Variants in CSMD1 observed in about 807,000 individuals in gnomAD.
CSMD1 encodes the protein CUB and Sushi multiple domains 1.
CSMD1 carries 213 observed loss-of-function variants against 417.5 expected under a neutral mutation model. That is an observed-to-expected ratio of 0.51 (90% confidence interval 0.46 to 0.57). The LOEUF is 0.57. Among genes scored for constraint, CSMD1 ranks in the 20% least tolerant of loss-of-function variants. The probability of loss-of-function intolerance (pLI) is 0.00; values close to 1 mark genes in which losing one functional copy is unlikely to be tolerated. For missense variants in CSMD1, 6,923 were observed against 4,529.7 expected (o/e 1.53, Z -15.17); for synonymous variants, 2,862 against 1,736.8 (o/e 1.65, Z -16.11).
chr8:4,503,519 T>C (rs1420236539), intron 2 of CSMD1, among the ~76,000 whole-genome samples: 1 of 152,178 alleles, frequency 6.6e-6, no homozygotes, highest in East Asian at 1.9e-4. Context: ...CACTCACACC[T>C]GAGACACCGT....
chr8:3,715,470 T>G (rs1195102294), intron 6 of CSMD1, among the ~76,000 whole-genome samples: 1 of 152,162 alleles, frequency 6.6e-6, no homozygotes, highest in African/African-American at 2.4e-5. Context: ...TTCTGCATGA[T>G]TAACCCAATT....
chr8:4,542,500 C>G (rs909153145), intron 2 of CSMD1, among the ~76,000 whole-genome samples: 1 of 152,142 alleles, frequency 6.6e-6, no homozygotes. Flanking sequence ...TAAAAAAGCA[C>G]AATTATTGAA....
At chr8:4,225,726 A>C (rs1427719067) in intron 3 of CSMD1, among the ~76,000 whole-genome samples, 1 of 152,148 alleles carries the variant, frequency 6.6e-6, no homozygotes, top group Non-Finnish European at 1.5e-5. Flanking sequence ...AATTGCCACA[A>C]CATGGCGGCT....
intron 5 of CSMD1, among the ~76,000 whole-genome samples, chr8:3,758,398 C>G (rs557173024): frequency 6.6e-6 from 1 of 152,250 alleles, no homozygotes; most frequent in African/African-American, 2.4e-5. Context: ...CTGATTTGAC[C>G]TTTTGCGTTA....
rs373144350 is a variant in CSMD1, at chr8:4,584,593, G to C, written c.302+52749C>G. Among the ~76,000 whole-genome samples, 43 of 152,170 alleles carry C rather than the reference G, an allele frequency of 2.8e-4. No individual in the cohort carries two copies. The South Asian group carries it at 8.7e-3, about 31-fold the overall frequency. On this transcript the variant is annotated intron_variant, in intron 2 of 69. Coordinates refer to ENST00000635120, the MANE Select transcript of CSMD1 (RefSeq NM_033225.6). ...TTCCTGTACTTCTGGGCTGAGCCGA[G>C]GGTCTACAGAGAGGAAAGCCATGCA...
chr8:4,069,087 T>A (rs773323421), intron 3 of CSMD1, among the ~76,000 whole-genome samples: 8 of 152,230 alleles, frequency 5.3e-5, no homozygotes, highest in Non-Finnish European at 7.3e-5. Context: ...TTTATTAGAC[T>A]TTGTCATGGA....
At chr8:3,983,131 C>CTTTTTTTTT (rs1814021065) in intron 5 of CSMD1, among the ~76,000 whole-genome samples, 3 of 94,734 alleles carry the variant, frequency 3.2e-5, no homozygotes, top group Non-Finnish European at 7.0e-5. Flanking sequence ...CCACATCTTT[C>CTTTTTTTTT]TTTCTTTTTT....
intron 1 of CSMD1, among the ~76,000 whole-genome samples, chr8:4,904,331 C>G (rs968227412): frequency 6.6e-6 from 1 of 152,192 alleles, no homozygotes; most frequent in African/African-American, 2.4e-5. Context: ...TTTATTACAT[C>G]TATGAGTATT....
At chr8:3,246,506 C>G (rs1003277439) in intron 26 of CSMD1, among the ~76,000 whole-genome samples, 3 of 152,098 alleles carry the variant, frequency 2.0e-5, no homozygotes, top group African/African-American at 4.8e-5. Context: ...GAGTCTCACT[C>G]TGTCACCCAG....
intron 2 of CSMD1, among the ~76,000 whole-genome samples, chr8:4,464,566 G>T (rs1182567912): frequency 1.3e-5 from 2 of 151,988 alleles, no homozygotes; most frequent in African/African-American, 2.4e-5. Flanking sequence ...TGGTCGTATG[G>T]GTACTCAACG....
chr8:3,753,736 T>C (rs1397990835), intron 6 of CSMD1, among the ~76,000 whole-genome samples, 194 bp downstream of exon 6: 2 of 152,236 alleles, frequency 1.3e-5, no homozygotes, highest in Non-Finnish European at 2.9e-5. Context: ...ATATCCTGTA[T>C]ACTGTGATAG....
chr8:3,729,323 G>C (rs527473656), intron 6 of CSMD1, among the ~76,000 whole-genome samples: 5 of 152,228 alleles, frequency 3.3e-5, no homozygotes. Flanking sequence ...TCTGAGGGTG[G>C]GCTTCGGAGT....
Position 3,359,188 on chromosome 8 carries a change from G to T in CSMD1, c.3268C>A (p.Arg1090Ser), listed in dbSNP as rs1484808167. The stretch of plus-strand genomic sequence containing the variant: ...GGCAGAGGTGCACTCCACACACGGC[G>T]GCCCCCACCCAGGCAGGTAAGCTTG... Reference protein sequence around the residue: ...ATKLTCLGGGRRVWSAPLPRC... With the variant: ...ATKLTCLGGGSRVWSAPLPRC... Residue 1090 changes from arginine (R) to serine (S), a missense_variant, in exon 21 of 70, where the codon CGC (arginine) becomes AGC (serine). By Grantham distance (110) the Arg-to-Ser change is moderately radical. Coordinates refer to ENST00000635120, the MANE Select transcript of CSMD1 (RefSeq NM_033225.6). 1 of 1,613,846 alleles carries T rather than the reference G, an allele frequency of 6.2e-7. No individual in the cohort carries two copies. Among genetic ancestry groups the T allele is most frequent in the Non-Finnish European group, 8.5e-7 (1 of 1,179,948 alleles).
At chr8:3,871,117 A>T (rs957425409) in intron 5 of CSMD1, among the ~76,000 whole-genome samples, 1 of 152,194 alleles carries the variant, frequency 6.6e-6, no homozygotes, top group African/African-American at 2.4e-5. Flanking sequence ...CATCTAGAAT[A>T]TTTTCAATTT....
chr8:4,975,209 CAA>C (rs1246422156), intron 1 of CSMD1, among the ~76,000 whole-genome samples: 2 of 151,952 alleles, frequency 1.3e-5, no homozygotes, highest in Non-Finnish European at 2.9e-5. Context: ...CTTTTCTTTC[CAA>C]AGTTATGAAA....
At position 4,140,607 on chromosome 8, in the gene CSMD1, G is replaced by A. The variant is rs141294464; in HGVS notation, c.416-108508C>T. 6.0e-3 allele frequency among the ~76,000 whole-genome samples: 910 copies of A among 151,076 alleles called. 11 individuals carry two copies. The highest frequency in any genetic ancestry group is 8.8e-3 in the Non-Finnish European group (601 of 68,026). On this transcript the variant is annotated intron_variant, in intron 3 of 69. Transcript: ENST00000635120. Reference sequence around the variant, plus strand: ...TGCTTGAACCCAAGAGGTCAAGGCTGCAGTGAGCCATGATTGCGCCACTGC... The same window carrying A: ...TGCTTGAACCCAAGAGGTCAAGGCTACAGTGAGCCATGATTGCGCCACTGC...
At chr8:4,412,120 G>C (rs1309887428) in intron 3 of CSMD1, among the ~76,000 whole-genome samples, 1 of 151,976 alleles carries the variant, frequency 6.6e-6, no homozygotes, top group Non-Finnish European at 1.5e-5. Context: ...TGTGTGTTTA[G>C]CCAGGGCAAA....
chr8:3,560,431 C>A (rs1051097370), intron 10 of CSMD1, among the ~76,000 whole-genome samples: 10 of 152,160 alleles, frequency 6.6e-5, no homozygotes, highest in African/African-American at 2.2e-4. Flanking sequence ...GCAAAATGGG[C>A]AAAGTCAAGA....
At chr8:4,106,380 C>G (rs940078457) in intron 3 of CSMD1, among the ~76,000 whole-genome samples, 1 of 152,174 alleles carries the variant, frequency 6.6e-6, no homozygotes. Flanking sequence ...AATTACAATG[C>G]TGCATAATTG....
Sources: gnomAD v4.1 joint callset for allele counts (sites outside exome capture counted in the v4.1 genomes callset) on GRCh38, gnomAD v4.1.1 for gene constraint, MANE v1.5 for transcripts, NCBI Gene and HGNC (gene_info 2026-07-23, HGNC 2026-07-21) for gene names.